The following ZNG1E variants were observed in gnomAD, a reference collection of about 807,000 sequenced individuals.
ZNG1E encodes the protein Zn regulated GTPase metalloprotein activator 1E.
chr9:65,709,968 C>A, the ZNG1E span, among the ~76,000 whole-genome samples: 12 of 150,722 alleles, frequency 8.0e-5, no homozygotes, highest in Non-Finnish European at 8.8e-5. Context: ...ACAGTCCCGC[C>A]AACAGTGTAA....
At chr9:65,687,890 C>T in the ZNG1E span, among the ~76,000 whole-genome samples, 8 of 150,650 alleles carry the variant, frequency 5.3e-5, no homozygotes, top group African/African-American at 1.5e-4. Context: ...CACTTATAAT[C>T]ATTTTTCCCT....
chr9:65,715,426 T>C, the ZNG1E span, among the ~76,000 whole-genome samples: 1 of 150,042 alleles, frequency 6.7e-6, no homozygotes, highest in Non-Finnish European at 1.5e-5. Context: ...TCCTCTCTCC[T>C]CTCTTCACTT....
the ZNG1E span, among the ~76,000 whole-genome samples, chr9:65,721,063 C>T: frequency 1.3e-4 from 19 of 148,906 alleles, no homozygotes; most frequent in African/African-American, 3.6e-4. Flanking sequence ...GGGTAAAGAA[C>T]GTGATGCCAA....
At chr9:65,674,877 G>C in the ZNG1E span, among the ~76,000 whole-genome samples, 7 of 141,684 alleles carry the variant, frequency 4.9e-5, no homozygotes, top group African/African-American at 1.9e-4. Flanking sequence ...TAGCAGCCCT[G>C]TTCATAAGAG....
the ZNG1E span, among the ~76,000 whole-genome samples, chr9:65,664,499 T>A: frequency 2.3e-5 from 2 of 88,414 alleles, no homozygotes; most frequent in East Asian, 4.9e-4. Flanking sequence ...GCCATGATTG[T>A]GAGGCCTCCC....
At chr9:65,687,488 T>A in the ZNG1E span, among the ~76,000 whole-genome samples, 1 of 152,266 alleles carries the variant, frequency 6.6e-6, no homozygotes, top group Non-Finnish European at 1.5e-5. Flanking sequence ...AATTTATCAG[T>A]CACACTTTTT....
At chr9:65,709,449 C>A in the ZNG1E span, among the ~76,000 whole-genome samples, 1 of 135,842 alleles carries the variant, frequency 7.4e-6, no homozygotes, top group Non-Finnish European at 1.5e-5. Flanking sequence ...TGGGCTGCAC[C>A]CACTAACTCG....
the ZNG1E span, chr9:65,693,536 A>G: frequency 2.8e-5 from 33 of 1,177,988 alleles, no homozygotes; most frequent in Non-Finnish European, 3.6e-5. Context: ...ATCCAACCTC[A>G]TATCTGAACA....
At chr9:65,714,623 G>T in the ZNG1E span, among the ~76,000 whole-genome samples, 1 of 152,110 alleles carries the variant, frequency 6.6e-6, no homozygotes, top group African/African-American at 2.4e-5. Flanking sequence ...TCAGCTGCAG[G>T]TCTGTTGGAG....
the ZNG1E span, among the ~76,000 whole-genome samples, chr9:65,667,547 C>A: frequency 1.3e-5 from 2 of 152,194 alleles, no homozygotes; most frequent in African/African-American, 4.8e-5. Context: ...CAAGCTATGG[C>A]TAATCAACAT....
At chr9:65,679,729 A>G in the ZNG1E span, among the ~76,000 whole-genome samples, 4 of 152,224 alleles carry the variant, frequency 2.6e-5, no homozygotes, top group East Asian at 5.8e-4. Flanking sequence ...TAATTTTTGT[A>G]TTTTTAGTAG....
At chr9:65,656,624 C>A in the ZNG1E span, among the ~76,000 whole-genome samples, 1 of 152,288 alleles carries the variant, frequency 6.6e-6, no homozygotes, top group Non-Finnish European at 1.5e-5. Context: ...CCTCTCCCAG[C>A]CTGGCAGAGG....
the ZNG1E span, among the ~76,000 whole-genome samples, chr9:65,710,687 G>C: frequency 2.6e-5 from 4 of 151,086 alleles, no homozygotes; most frequent in Middle Eastern, 3.4e-3. Flanking sequence ...TTATTTCTGA[G>C]GGCTCTGTTC....
the ZNG1E span, among the ~76,000 whole-genome samples, chr9:65,662,026 A>C: frequency 6.6e-6 from 1 of 152,248 alleles, no homozygotes; most frequent in Middle Eastern, 3.2e-3. Flanking sequence ...TATTAACTGC[A>C]TCAGGGAAAC....
the ZNG1E span, among the ~76,000 whole-genome samples, chr9:65,721,544 A>G: frequency 6.7e-6 from 1 of 150,178 alleles, no homozygotes; most frequent in African/African-American, 2.5e-5. Context: ...AAATGGCATC[A>G]ACATTTAGCT....
the ZNG1E span, among the ~76,000 whole-genome samples, chr9:65,714,227 C>T: frequency 1.3e-5 from 2 of 149,012 alleles, no homozygotes; most frequent in Admixed American, 6.7e-5. Context: ...AAGCACTTCT[C>T]TGTATTGGTT....
the ZNG1E span, among the ~76,000 whole-genome samples, chr9:65,669,694 G>A: frequency 6.6e-6 from 1 of 151,670 alleles, no homozygotes; most frequent in Non-Finnish European, 1.5e-5. Context: ...CTTATTAATA[G>A]CATGGTTTAA....
the ZNG1E span, among the ~76,000 whole-genome samples, chr9:65,710,560 G>C: frequency 6.6e-6 from 1 of 152,096 alleles, no homozygotes; most frequent in Non-Finnish European, 1.5e-5. Flanking sequence ...TCCGGTTTCA[G>C]CTTTCTACAT....
the ZNG1E span, among the ~76,000 whole-genome samples, chr9:65,663,547 C>T: frequency 1.5e-5 from 2 of 137,824 alleles, no homozygotes; most frequent in East Asian, 4.1e-4. Flanking sequence ...TCCATGGTAT[C>T]CTTTGAGTGA....
Sources: gnomAD v4.1 joint callset for allele counts (sites outside exome capture counted in the v4.1 genomes callset) on GRCh38, gnomAD v4.1.1 for gene constraint, MANE v1.5 for transcripts, NCBI Gene and HGNC (gene_info 2026-07-23, HGNC 2026-07-21) for gene names.